PROCR: variants seen among roughly 807,000 people sequenced by gnomAD.
PROCR encodes endothelial protein C receptor.
In PROCR, 22 loss-of-function variants were observed where a neutral mutation model predicts 24.2. That is an observed-to-expected ratio of 0.91 (90% confidence interval 0.65 to 1.30). PROCR has a LOEUF of 1.30. Among genes scored for constraint, PROCR ranks in the 50% most tolerant of loss-of-function variants. PROCR has a pLI of 0.00. For synonymous variants in PROCR, 137 were observed against 139.2 expected, an observed-to-expected ratio of 0.98 and a Z score of 0.11; for missense variants, 288 against 307.7, an observed-to-expected ratio of 0.94 and a Z score of 0.48.
chr20:35,172,940 C>T (rs189117959), intron 1 of PROCR, among the ~76,000 whole-genome samples: 40 of 152,252 alleles, frequency 2.6e-4, no homozygotes, highest in Admixed American at 2.6e-4. Flanking sequence ...TGTATTGACC[C>T]ATTTAACTTG....
intron 1 of PROCR, among the ~76,000 whole-genome samples, chr20:35,186,379 C>A (rs2086126205): frequency 6.7e-6 from 1 of 149,666 alleles, no homozygotes; most frequent in African/African-American, 2.5e-5. Context: ...CCAGCCTGAC[C>A]AACATGGAGA....
chr20:35,188,282 G>A (rs2086144473), intron 1 of PROCR, among the ~76,000 whole-genome samples: 1 of 152,126 alleles, frequency 6.6e-6, no homozygotes, highest in Non-Finnish European at 1.5e-5. Flanking sequence ...TAGTCTAGAA[G>A]GAGAAGCATA....
intron 1 of PROCR, among the ~76,000 whole-genome samples, chr20:35,190,126 A>G (rs1448755539): frequency 6.6e-6 from 1 of 152,110 alleles, no homozygotes; most frequent in Non-Finnish European, 1.5e-5. Context: ...TCTCACACCC[A>G]GTAAAAAGAA....
intron 3 of PROCR, 36 bp downstream of exon 3, chr20:35,176,482 G>C: frequency 6.2e-7 from 1 of 1,610,222 alleles, no homozygotes; most frequent in Non-Finnish European, 8.5e-7. Flanking sequence ...GCAAGCTGGG[G>C]AGAGGGCGGG....
intron 1 of PROCR, among the ~76,000 whole-genome samples, chr20:35,200,061 A>G (rs552245011): frequency 6.6e-6 from 1 of 152,336 alleles, no homozygotes; most frequent in African/African-American, 2.4e-5. Context: ...GAATTCTGTA[A>G]TCTCATGATA....
chr20:35,191,433 G>C (rs1419574274), intron 1 of PROCR, among the ~76,000 whole-genome samples: 1 of 152,050 alleles, frequency 6.6e-6, no homozygotes, highest in African/African-American at 2.4e-5. Flanking sequence ...AGAAGCTACA[G>C]TTTACTGGGA....
intron 1 of PROCR, among the ~76,000 whole-genome samples, chr20:35,186,685 A>G (rs1009652301): frequency 2.0e-5 from 3 of 151,340 alleles, no homozygotes; most frequent in Non-Finnish European, 4.4e-5. Context: ...ACAGTGGCTC[A>G]TGCCTGTAAT....
intron 1 of PROCR, chr20:35,202,694 T>C (rs1259941388): frequency 2.6e-5 from 4 of 151,700 alleles, no homozygotes; most frequent in Non-Finnish European, 4.4e-5. Context: ...AGATCCAAAA[T>C]AAATGAAGCA....
chr20:35,176,829 C>G lies in PROCR; in HGVS notation c.*16C>G, dbSNP rs9574. On this transcript the variant is annotated 3_prime_UTR_variant, in exon 4 of 4. Coordinates refer to ENST00000216968, the MANE Select transcript of PROCR (RefSeq NM_006404.5). Reference sequence around the variant, plus strand: ...GCGATGTTAATTACTCTCCAGCCCCCTCAGAAGGGGCTGGATTGATGGAGG... The same window carrying G: ...GCGATGTTAATTACTCTCCAGCCCCGTCAGAAGGGGCTGGATTGATGGAGG... 917,287 of 1,610,788 alleles carry G rather than the reference C, an allele frequency of 0.57. 266,721 individuals carry two copies. Among genetic ancestry groups the G allele is most frequent in the African/African-American group, 0.81 (60,648 of 74,894 alleles).
upstream of PROCR, among the ~76,000 whole-genome samples, chr20:35,171,231 A>G (rs776723908): frequency 1.3e-5 from 2 of 152,200 alleles, no homozygotes; most frequent in African/African-American, 2.4e-5. Flanking sequence ...TAAGGGACGC[A>G]TTTTACACTG....
At chr20:35,176,049 C>T (rs2086012600) in intron 2 of PROCR, 119 bp from the exon 3 acceptor site, 1 of 1,192,708 alleles carries the variant, frequency 8.4e-7, no homozygotes, top group East Asian at 2.3e-5. Flanking sequence ...CTGACCTAGA[C>T]TCCCCTCTCC....
chr20:35,200,910 A>G (rs967466024), intron 1 of PROCR, among the ~76,000 whole-genome samples: 5 of 152,338 alleles, frequency 3.3e-5, no homozygotes, highest in Admixed American at 2.6e-4. Context: ...GGCCTCACAA[A>G]TTGCTAAGAT....
At chr20:35,185,174 A>G (rs940368103) in intron 1 of PROCR, among the ~76,000 whole-genome samples, 20 of 152,162 alleles carry the variant, frequency 1.3e-4, no homozygotes, top group Non-Finnish European at 2.5e-4. Flanking sequence ...GCAAATCAAA[A>G]CCACAAAGCG....
At chr20:35,208,145 G>C (rs1363101735) in intron 1 of PROCR, among the ~76,000 whole-genome samples, 1 of 152,182 alleles carries the variant, frequency 6.6e-6, no homozygotes, top group East Asian at 1.9e-4. Flanking sequence ...GAAACTAGAG[G>C]CCAGAGGTAG....
At chr20:35,189,883 G>A (rs2086159236) in intron 1 of PROCR, among the ~76,000 whole-genome samples, 1 of 152,140 alleles carries the variant, frequency 6.6e-6, no homozygotes, top group African/African-American at 2.4e-5. Context: ...CTGGATGAAT[G>A]AATGAATTGA....
In PROCR at chr20:35,172,235, G is replaced by A. The variant is rs775899261; in HGVS notation, c.70+11G>A. Reference sequence around the variant, plus strand: ...AAGACGCCTCAGATGGTGAGTCGGGGGCACATCTCCTGCCTCAGGATGGTT... The same window carrying A: ...AAGACGCCTCAGATGGTGAGTCGGGAGCACATCTCCTGCCTCAGGATGGTT... On this transcript the variant is annotated intron_variant, in intron 1 of 3. Coordinates refer to ENST00000216968, the MANE Select transcript of PROCR (RefSeq NM_006404.5). The A allele has an allele frequency of 2.5e-6, 4 of 1,613,774 alleles. No homozygotes were observed. The highest frequency in any genetic ancestry group is 8.5e-7 in the Non-Finnish European group (1 of 1,179,784).
chr20:35,213,876 AC>A (rs1425378108), intron 1 of PROCR, among the ~76,000 whole-genome samples: 5 of 151,880 alleles, frequency 3.3e-5, no homozygotes, highest in African/African-American at 1.2e-4. Flanking sequence ...GGAGTTCGAG[AC>A]CAGCCTGCCC....
At chr20:35,205,767 A>ATATATATATATG (rs1175677681) in intron 1 of PROCR, among the ~76,000 whole-genome samples, 1 of 45,540 alleles carries the variant, frequency 2.2e-5, no homozygotes, top group African/African-American at 5.9e-5. Flanking sequence ...ATATATATAT[A>ATATATATATATG]TATATATATA....
downstream of PROCR, among the ~76,000 whole-genome samples, chr20:35,179,090 G>A (rs550459124): frequency 5.9e-4 from 89 of 150,854 alleles, no homozygotes; most frequent in Non-Finnish European, 1.1e-3. Context: ...AAAATTAGCC[G>A]GGCATGGTTG....
Sources: allele counts gnomAD v4.1 joint callset (sites outside exome capture counted in the v4.1 genomes callset), GRCh38; gene constraint gnomAD v4.1.1; transcripts MANE v1.5; gene names NCBI Gene and HGNC (gene_info 2026-07-23, HGNC 2026-07-21).